HEATR4: variants seen among roughly 807,000 people sequenced by gnomAD.
HEATR4 encodes HEAT repeat-containing protein 4.
In HEATR4, 95 loss-of-function variants were observed where a neutral mutation model predicts 108.8. The ratio of observed to expected loss-of-function variants is 0.87; its 90% confidence interval spans 0.74 to 1.04. HEATR4 has a LOEUF of 1.04. HEATR4 is among the 50% of genes least tolerant of loss of function. HEATR4 has a pLI of 0.00. For missense variants in HEATR4, 1,152 were observed against 1,253.8 expected, an observed-to-expected ratio of 0.92 and a Z score of 1.23; for synonymous variants, 443 against 459.4, an observed-to-expected ratio of 0.96 and a Z score of 0.46.
chr14:73,488,714 T>C (rs1319174171), intron 17 of HEATR4, among the ~76,000 whole-genome samples: 1 of 151,468 alleles, frequency 6.6e-6, no homozygotes, highest in Non-Finnish European at 1.5e-5. Context: ...GAATGGCTAA[T>C]ACAGGAGCAA....
intron 17 of HEATR4, among the ~76,000 whole-genome samples, chr14:73,490,006 G>A (rs1486354970): frequency 1.3e-5 from 2 of 152,184 alleles, no homozygotes; most frequent in Admixed American, 6.5e-5. Flanking sequence ...GGAACCTGCC[G>A]GTGGAACATC....
chr14:73,523,413 T>C (rs4899469), intron 2 of HEATR4, among the ~76,000 whole-genome samples, 189 bp from the exon 3 acceptor site: 103,004 of 152,112 alleles, frequency 0.68, 35,474 homozygotes, highest in East Asian at 0.89. Context: ...ACCCGTGTTT[T>C]TGGTTCTTAT....
intron 17 of HEATR4, among the ~76,000 whole-genome samples, chr14:73,482,201 C>T (rs1666456512): frequency 2.0e-5 from 3 of 151,586 alleles, no homozygotes; most frequent in Admixed American, 2.0e-4. Flanking sequence ...GCCTGGCCAA[C>T]ATGGTGAAAC....
At chr14:73,612,868 G>T in the HEATR4 span, 1 of 1,404,414 alleles carries the variant, frequency 7.1e-7, no homozygotes. Flanking sequence ...GCGACGTGCG[G>T]ACGCCCTTCG....
the HEATR4 span, among the ~76,000 whole-genome samples, chr14:73,598,793 G>A: frequency 4.6e-5 from 7 of 151,606 alleles, no homozygotes; most frequent in African/African-American, 1.2e-4. Flanking sequence ...ACCTGAGGTC[G>A]GGAGTTCGAG....
intron 2 of HEATR4, among the ~76,000 whole-genome samples, chr14:73,527,960 T>G (rs1595142961): frequency 3.3e-5 from 1 of 29,874 alleles, no homozygotes; most frequent in South Asian, 8.9e-4. Context: ...AAACTCCATC[T>G]CAAAAAAAAA....
the HEATR4 span, among the ~76,000 whole-genome samples, chr14:73,623,964 T>C: frequency 6.6e-6 from 1 of 152,036 alleles, no homozygotes; most frequent in Admixed American, 6.6e-5. Flanking sequence ...CTGTGCTTCT[T>C]GTACAGCCTG....
chr14:73,482,055 T>C (rs1885279777), intron 17 of HEATR4, among the ~76,000 whole-genome samples: 2 of 151,630 alleles, frequency 1.3e-5, no homozygotes, highest in Non-Finnish European at 2.9e-5. Context: ...AAATCAGTGG[T>C]TGACAGGTAT....
Position 73,512,123 on chromosome 14 carries a change from C to G in HEATR4, c.1441G>C (p.Glu481Gln). 2 of 1,614,146 alleles carry G rather than the reference C, an allele frequency of 1.2e-6. No homozygotes were observed. Among genetic ancestry groups the G allele is most frequent in the Non-Finnish European group, 1.7e-6 (2 of 1,180,030 alleles). ...TCTCCCAAGCTCTGAAGCAGGTTCT[C>G]TACTGTCTCATGGTGCCACTCTATG... ...LIIEWHHETV[E>Q]NLLQSLGDLH... is the part of the protein sequence containing the mutation. The change falls in exon 7 of 18, where the codon GAG becomes CAG. Residue 481 changes from glutamate (E) to glutamine (Q), a missense_variant. Physicochemically the swap from Glu to Gln is conservative, Grantham distance 29. Coordinates refer to ENST00000553558, the MANE Select transcript of HEATR4 (RefSeq NM_001220484.1).
the HEATR4 span, chr14:73,574,852 C>G: frequency 6.2e-6 from 10 of 1,612,504 alleles, no homozygotes; most frequent in Non-Finnish European, 7.6e-6. Context: ...CACAACTCAC[C>G]ATATTCCACT....
chr14:73,490,983 G>GC (rs1460814744), intron 17 of HEATR4: 2 of 1,326,020 alleles, frequency 1.5e-6, no homozygotes, highest in Non-Finnish European at 1.9e-6. Flanking sequence ...TTCGCCCCCG[G>GC]CCGGCCGGGC....
intron 6 of HEATR4, 117 bp downstream of exon 6, chr14:73,513,914 C>T: frequency 9.4e-7 from 1 of 1,058,646 alleles, no homozygotes; most frequent in South Asian, 1.4e-5. Context: ...AATGAGGCAA[C>T]CAGATTTTTA....
At chr14:73,631,229 T>C in the HEATR4 span, among the ~76,000 whole-genome samples, 1 of 152,244 alleles carries the variant, frequency 6.6e-6, no homozygotes, top group Non-Finnish European at 1.5e-5. Flanking sequence ...TCACCTGGGT[T>C]AATTCACCTC....
At chr14:73,494,441 G>C (rs1885976861) in intron 16 of HEATR4, among the ~76,000 whole-genome samples, 1 of 152,208 alleles carries the variant, frequency 6.6e-6, no homozygotes, top group Non-Finnish European at 1.5e-5. Context: ...TTAAGGTTGA[G>C]AACTTTACAA....
chr14:73,568,371 C>T, the HEATR4 span, among the ~76,000 whole-genome samples: 1 of 151,226 alleles, frequency 6.6e-6, no homozygotes, highest in African/African-American at 2.4e-5. Flanking sequence ...AAACACCACA[C>T]CTCTGGTGAA....
chr14:73,565,388 CTTT>C, the HEATR4 span, among the ~76,000 whole-genome samples: 3 of 139,754 alleles, frequency 2.1e-5, no homozygotes, highest in Non-Finnish European at 3.1e-5. Flanking sequence ...TTTTCTTTTC[CTTT>C]TTTTTTTTTT....
At chr14:73,605,968 C>T in the HEATR4 span, among the ~76,000 whole-genome samples, 189 of 152,226 alleles carry the variant, frequency 1.2e-3, 1 homozygote, top group African/African-American at 4.0e-3. Flanking sequence ...TGGCATCACC[C>T]AGATCGATTA....
chr14:73,478,873 A>G lies in HEATR4; in HGVS notation c.2845-31T>C, dbSNP rs927607830. On this transcript the variant is annotated intron_variant, in intron 17 of 17. Coordinates refer to ENST00000553558, the MANE Select transcript of HEATR4 (RefSeq NM_001220484.1). Reference sequence around the variant, plus strand: ...GAGAAACATGAAAACATGAGTGCATATGCCAAACGTGTCTCATGTGAGCGG... The same window carrying G: ...GAGAAACATGAAAACATGAGTGCATGTGCCAAACGTGTCTCATGTGAGCGG... The G allele has an allele frequency of 2.0e-6, 3 of 1,531,934 alleles. No homozygotes were observed. The African/African-American group carries it at 4.1e-5, about 21-fold the overall frequency. The allele number at this position is 1,531,934 out of a possible 1,614,324, so 94.9% of individuals were successfully genotyped here.
the HEATR4 span, among the ~76,000 whole-genome samples, chr14:73,579,656 ATC>A: frequency 6.6e-6 from 1 of 151,480 alleles, no homozygotes; most frequent in East Asian, 2.0e-4. Flanking sequence ...GGCTCAGGCA[ATC>A]TTCCCACCTT....
Sources: allele counts gnomAD v4.1 joint callset (sites outside exome capture counted in the v4.1 genomes callset), GRCh38; gene constraint gnomAD v4.1.1; transcripts MANE v1.5; gene names NCBI Gene and HGNC (gene_info 2026-07-23, HGNC 2026-07-21).